FHIT: variants seen among roughly 807,000 people sequenced by gnomAD.
FHIT encodes the protein fragile histidine triad diadenosine triphosphatase, also known as bis(5'-adenosyl)-triphosphatase.
A neutral mutation model predicts 17.9 loss-of-function variants in FHIT; 19 were observed. The ratio of observed to expected loss-of-function variants is 1.06; its 90% CI spans 0.74 to 1.56. The LOEUF (loss-of-function observed/expected upper bound fraction) is 1.56, where lower values mean the gene tolerates loss of function less well. FHIT is among the 40% of genes most tolerant of loss of function. The pLI is 0.00. For synonymous variants in FHIT, 81 were observed against 69.7 expected (o/e 1.16, Z -0.81); for missense variants, 248 against 189.2 (o/e 1.31, Z -1.82).
intron 4 of FHIT, among the ~76,000 whole-genome samples, chr3:60,725,918 T>C (rs1295590668): frequency 1.3e-5 from 2 of 152,042 alleles, no homozygotes; most frequent in African/African-American, 2.4e-5. Flanking sequence ...GATGATGATA[T>C]TAAGGCTCAC....
At chr3:60,441,718 A>ATGTGTGTG (rs11280943) in intron 5 of FHIT, among the ~76,000 whole-genome samples, 3 of 93,790 alleles carry the variant, frequency 3.2e-5, no homozygotes, top group Non-Finnish European at 6.4e-5. Flanking sequence ...ATATATATAT[A>ATGTGTGTG]TATATTTGTA....
intron 5 of FHIT, among the ~76,000 whole-genome samples, chr3:60,345,527 T>G (rs979351480): frequency 6.6e-6 from 1 of 152,212 alleles, no homozygotes; most frequent in Admixed American, 6.5e-5. Context: ...GATAAATTAT[T>G]AGATTTCAGA....
intron 8 of FHIT, among the ~76,000 whole-genome samples, chr3:59,769,322 G>A (rs1317290172): frequency 3.3e-5 from 5 of 152,158 alleles, no homozygotes; most frequent in Non-Finnish European, 7.4e-5. Context: ...AGAACCCATG[G>A]TCACGTGCCC....
intron 5 of FHIT, among the ~76,000 whole-genome samples, chr3:60,189,933 C>T (rs1702328288): frequency 1.3e-5 from 2 of 152,156 alleles, no homozygotes; most frequent in Non-Finnish European, 2.9e-5. Context: ...GTTACCTCTT[C>T]AAGTTTCAAA....
intron 5 of FHIT, among the ~76,000 whole-genome samples, chr3:60,174,275 C>T (rs921658644): frequency 1.3e-5 from 2 of 151,932 alleles, no homozygotes; most frequent in African/African-American, 4.8e-5. Context: ...GGCTACACCA[C>T]AAAAATGCAG....
intron 5 of FHIT, among the ~76,000 whole-genome samples, chr3:60,329,363 A>T (rs1546831): frequency 6.6e-6 from 1 of 152,014 alleles, no homozygotes; most frequent in Admixed American, 6.6e-5. Context: ...TCCTCACTAG[A>T]GACCCCTGGC....
intron 5 of FHIT, among the ~76,000 whole-genome samples, chr3:60,383,055 A>G (rs1700871505): frequency 6.6e-6 from 1 of 152,216 alleles, no homozygotes; most frequent in Non-Finnish European, 1.5e-5. Context: ...TAGGCAGATT[A>G]GCCATTATCT....
chr3:60,893,541 GTAGATGCCAAGAAAGCCATACTCTT>G (rs1222646875), intron 3 of FHIT, among the ~76,000 whole-genome samples: 5 of 152,118 alleles, frequency 3.3e-5, no homozygotes, highest in African/African-American at 9.7e-5. Context: ...ACTCTACTCT[GTAGATGCCAAGAAAGCCATACTCTT>G]TCCTGATAGT....
intron 4 of FHIT, among the ~76,000 whole-genome samples, chr3:60,660,503 G>A (rs1031809911): frequency 2.0e-5 from 3 of 152,022 alleles, no homozygotes; most frequent in Non-Finnish European, 4.4e-5. Context: ...GCCTTCAATA[G>A]ACTCTAGAGT....
intron 5 of FHIT, among the ~76,000 whole-genome samples, chr3:60,142,694 CTTTTTTTTTTT>C (rs1336687282): frequency 7.1e-6 from 1 of 141,642 alleles, no homozygotes; most frequent in African/African-American, 2.6e-5. Context: ...TTTTTTTTTT[CTTTTTTTTTTT>C]AAGAGATGGG....
At position 60,129,076 on chromosome 3, in the gene FHIT, A is replaced by G. The variant is rs1409114782; in HGVS notation, c.104-114924T>C. On this transcript the variant is annotated intron_variant, in intron 5 of 9. Coordinates refer to ENST00000492590, the MANE Select transcript of FHIT (RefSeq NM_002012.4). Reference sequence around the variant, plus strand: ...TTGTTTTTTTTTTTTTTTTTGAAACAGAGTCTTGCTCCATTGCCCAGACTG... The same window carrying G: ...TTGTTTTTTTTTTTTTTTTTGAAACGGAGTCTTGCTCCATTGCCCAGACTG... Among the ~76,000 whole-genome samples, 5 of 87,858 alleles carry G rather than the reference A, an allele frequency of 5.7e-5. No homozygotes were observed. In the Admixed American group the frequency reaches 7.2e-4, roughly 13 times the overall value. The allele number at this position is 87,858 out of a possible 152,430, so 57.6% of individuals were successfully genotyped here.
intron 5 of FHIT, among the ~76,000 whole-genome samples, chr3:60,311,413 C>G (rs570767249): frequency 2.9e-3 from 436 of 152,244 alleles, no homozygotes; most frequent in Non-Finnish European, 5.0e-3. Context: ...ACACACATAT[C>G]TCTTTGCTCA....
chr3:60,717,630 A>G (rs1027369955), intron 4 of FHIT, among the ~76,000 whole-genome samples: 2 of 152,190 alleles, frequency 1.3e-5, no homozygotes, highest in Non-Finnish European at 1.5e-5. Context: ...CCTTTTAAAG[A>G]AATTGCATAT....
At chr3:60,664,096 G>A in intron 4 of FHIT, among the ~76,000 whole-genome samples, 1 of 152,142 alleles carries the variant, frequency 6.6e-6, no homozygotes, top group Non-Finnish European at 1.5e-5. Context: ...ATGCTCTTTA[G>A]CAAGTCGAGA....
At chr3:60,098,114 C>A (rs78683793) in intron 5 of FHIT, among the ~76,000 whole-genome samples, 3 of 142,342 alleles carry the variant, frequency 2.1e-5, no homozygotes, top group Non-Finnish European at 4.6e-5. Flanking sequence ...CCAGTCTATC[C>A]TTGTTGGACA....
rs150320694 is a variant in FHIT, at chr3:60,763,619, T to C, written c.-18+58300A>G. 1.6e-3 allele frequency among the ~76,000 whole-genome samples: 245 copies of C among 152,322 alleles called. 3 individuals carry two copies. Among genetic ancestry groups the C allele is most frequent in the African/African-American group, 5.3e-3 (219 of 41,576 alleles). On this transcript the variant is annotated intron_variant, in intron 4 of 9. Coordinates refer to ENST00000492590, the MANE Select transcript of FHIT (RefSeq NM_002012.4). ...TCTGAATTATTCTAAAGCCCATGTA[T>C]GTATCCAGCAACACATGGCGATGAG...
intron 2 of FHIT, among the ~76,000 whole-genome samples, chr3:61,198,340 C>T (rs976491607): frequency 6.6e-6 from 1 of 152,112 alleles, no homozygotes; most frequent in Non-Finnish European, 1.5e-5. Flanking sequence ...AAGGGAGAAT[C>T]CTTTAGCTAA....
intron 7 of FHIT, among the ~76,000 whole-genome samples, chr3:59,985,111 T>G (rs1559521752): frequency 6.6e-6 from 1 of 152,138 alleles, no homozygotes; most frequent in Non-Finnish European, 1.5e-5. Flanking sequence ...CCAGAGGCAC[T>G]GCAGAGTTGC....
intron 4 of FHIT, among the ~76,000 whole-genome samples, chr3:60,774,004 G>A (rs782744113): frequency 2.6e-5 from 4 of 152,174 alleles, no homozygotes; most frequent in Non-Finnish European, 5.9e-5. Flanking sequence ...TTTTCAGTCT[G>A]GATTTGGGGT....
Sources: allele counts gnomAD v4.1 joint callset (sites outside exome capture counted in the v4.1 genomes callset), GRCh38; gene constraint gnomAD v4.1.1; transcripts MANE v1.5; gene names NCBI Gene and HGNC (gene_info 2026-07-23, HGNC 2026-07-21).